The following NAMPT variants were observed in gnomAD, a reference collection of about 807,000 sequenced individuals.
The protein encoded by NAMPT is NAmPRTase.
A neutral mutation model predicts 58.7 loss-of-function variants in NAMPT; 7 were observed. That is an observed-to-expected ratio of 0.12 (90% CI 0.07 to 0.22). The LOEUF (loss-of-function observed/expected upper bound fraction) is 0.22, where lower values mean the gene tolerates loss of function less well. Ranked by LOEUF, NAMPT falls within the 10% of genes least tolerant of loss-of-function variation. The pLI is 1.00. For synonymous variants in NAMPT, 145 were observed against 198.1 expected (o/e 0.73, Z 2.25); for missense variants, 271 against 567.9 (o/e 0.48, Z 5.31).
intron 10 of NAMPT, among the ~76,000 whole-genome samples, 162 bp downstream of exon 10, chr7:106,252,850 CTTGTT>C (rs1458361122): frequency 6.6e-6 from 1 of 152,112 alleles, no homozygotes; most frequent in African/African-American, 2.4e-5. Flanking sequence ...GACGTAGACA[CTTGTT>C]TTGTATCTTA....
intron 8 of NAMPT, among the ~76,000 whole-genome samples, chr7:106,258,323 AACT>A (rs1468761354): frequency 6.6e-6 from 1 of 152,202 alleles, no homozygotes; most frequent in African/African-American, 2.4e-5. Context: ...ATCTTTGGAA[AACT>A]ACTATAATTT....
At chr7:106,272,736 C>G in intron 3 of NAMPT, 78 bp from the exon 4 acceptor site, 2 of 1,505,042 alleles carry the variant, frequency 1.3e-6, no homozygotes, top group Admixed American at 1.8e-5. Context: ...AGGTTCTTTA[C>G]GTTTTATAGA....
At chr7:106,268,799 C>CTATT (rs1248683195) in intron 5 of NAMPT, among the ~76,000 whole-genome samples, 199 bp from the exon 6 acceptor site, 1 of 152,184 alleles carries the variant, frequency 6.6e-6, no homozygotes, top group Non-Finnish European at 1.5e-5. Flanking sequence ...AAAAAATCAA[C>CTATT]TATTATCTCC....
chr7:106,277,528 G>C (rs373585661), intron 1 of NAMPT, among the ~76,000 whole-genome samples: 130 of 152,318 alleles, frequency 8.5e-4, no homozygotes, highest in African/African-American at 3.0e-3. Flanking sequence ...AGAAAGGAAT[G>C]AACTGAAAGA....
At chr7:106,271,140 C>T (rs918326026) in intron 4 of NAMPT, among the ~76,000 whole-genome samples, 5 of 151,860 alleles carry the variant, frequency 3.3e-5, no homozygotes, top group African/African-American at 1.2e-4. Context: ...TAACGGTCAT[C>T]TACTGTCCAT....
intron 7 of NAMPT, among the ~76,000 whole-genome samples, chr7:106,262,810 T>C (rs1354921637): frequency 2.6e-5 from 4 of 152,068 alleles, no homozygotes; most frequent in African/African-American, 7.2e-5. Context: ...AAATGGCGTA[T>C]CTTATGTAAA....
chr7:106,268,432 A>T, intron 6 of NAMPT, 32 bp downstream of exon 6: 1 of 1,587,884 alleles, frequency 6.3e-7, no homozygotes, highest in Non-Finnish European at 8.6e-7. Flanking sequence ...TGAAAAAATT[A>T]GTAGTTTTAA....
chr7:106,263,920 A>G (rs150407073), intron 6 of NAMPT, among the ~76,000 whole-genome samples: 1 of 152,144 alleles, frequency 6.6e-6, no homozygotes, highest in African/African-American at 2.4e-5. Flanking sequence ...GAATCTACTC[A>G]TTTAAAATCA....
intron 8 of NAMPT, among the ~76,000 whole-genome samples, chr7:106,259,887 T>TTC (rs1792273649): frequency 6.6e-6 from 1 of 150,554 alleles, no homozygotes; most frequent in East Asian, 1.9e-4. Flanking sequence ...TCTTTTTTTT[T>TTC]TTTTTTTTTC....
chr7:106,272,253 A>G (rs1454927127), intron 4 of NAMPT: 1 of 283,772 alleles, frequency 3.5e-6, no homozygotes, highest in African/African-American at 2.3e-5. Flanking sequence ...ATACACACTT[A>G]AAATGGCAAT....
upstream of NAMPT, chr7:106,285,066 G>C (rs1015330847): frequency 1.5e-6 from 2 of 1,358,494 alleles, no homozygotes; most frequent in African/African-American, 1.5e-5. Flanking sequence ...GCCGTGACGC[G>C]GCGCGGGTGA....
intron 1 of NAMPT, among the ~76,000 whole-genome samples, chr7:106,278,363 T>G (rs1562819259): frequency 6.6e-6 from 1 of 151,964 alleles, no homozygotes; most frequent in Non-Finnish European, 1.5e-5. Flanking sequence ...CAGACAACCT[T>G]GGAGGTAAAT....
upstream of NAMPT, chr7:106,285,305 CCCGGG>C (rs975704496): frequency 4.8e-6 from 3 of 626,584 alleles, no homozygotes; most frequent in East Asian, 2.2e-4. Flanking sequence ...CGGCGCGTGA[CCCGGG>C]CGCTTACCTA....
chr7:106,257,058 C>T (rs565627416), intron 8 of NAMPT, among the ~76,000 whole-genome samples: 1 of 152,014 alleles, frequency 6.6e-6, no homozygotes, highest in Admixed American at 6.5e-5. Flanking sequence ...CGCCCGTAAT[C>T]CCAGCTACCC....
chr7:106,263,649 T>G (rs1331451157), intron 6 of NAMPT, 32 bp from the exon 7 acceptor site: 2 of 1,510,070 alleles, frequency 1.3e-6, no homozygotes, highest in Admixed American at 1.7e-5. Context: ...CAGATTTACT[T>G]AGGCAGACAC....
chr7:106,278,688 T>G (rs566900762), intron 1 of NAMPT, among the ~76,000 whole-genome samples: 13 of 152,292 alleles, frequency 8.5e-5, no homozygotes, highest in African/African-American at 3.1e-4. Context: ...CAACTACTTA[T>G]GAAACTGAAG....
chr7:106,267,698 G>A (rs1348633868), intron 6 of NAMPT, among the ~76,000 whole-genome samples: 5 of 150,262 alleles, frequency 3.3e-5, no homozygotes, highest in Non-Finnish European at 7.4e-5. Flanking sequence ...AAAATTAGCC[G>A]GGCGTAGTGG....
Position 106,263,414 on chromosome 7 carries a change from T to C in NAMPT, c.947A>G (p.Asn316Ser). The C allele has an allele frequency of 6.2e-7, 1 of 1,601,114 alleles. No individual in the cohort carries two copies. Among genetic ancestry groups the C allele is most frequent in the Non-Finnish European group, 8.6e-7 (1 of 1,168,926 alleles). ...TACCTTTAACACAGTGTCAAGAGGG[T>C]TTCCAGAATCAGGTCTGATTATTAG... ...APLIIRPDSGNPLDTVLKVLE... is the reference protein window; with the variant it reads ...APLIIRPDSGSPLDTVLKVLE... Residue 316 changes from asparagine to serine, a missense_variant, in exon 7 of 11, where the codon AAC becomes AGC. Coordinates refer to ENST00000222553, the MANE Select transcript of NAMPT (RefSeq NM_005746.3).
chr7:106,250,915 C>T lies in NAMPT; in HGVS notation c.*168G>A, dbSNP rs990193580. 2.8e-5 allele frequency: 17 copies of T among 604,014 alleles called. No homozygotes were observed. Among genetic ancestry groups the T allele is most frequent in the Non-Finnish European group, 3.8e-5 (13 of 344,424 alleles). 37.4% of individuals were successfully genotyped at this position (604,014 alleles called of 1,614,324 possible). ...ATCTTTTACATGGTTAAATGCATTT[C>T]CTAATTTGAGATCACCTAAACACTG... On this transcript the variant is annotated 3_prime_UTR_variant, in exon 11 of 11. Coordinates refer to ENST00000222553, the MANE Select transcript of NAMPT (RefSeq NM_005746.3).
Sources: allele counts gnomAD v4.1 joint callset (sites outside exome capture counted in the v4.1 genomes callset), GRCh38; gene constraint gnomAD v4.1.1; transcripts MANE v1.5; gene names NCBI Gene and HGNC (gene_info 2026-07-23, HGNC 2026-07-21).